Variants in VPS37A observed in about 807,000 individuals in gnomAD.
VPS37A encodes the protein vacuolar protein sorting-associated protein 37A.
In VPS37A, 30 loss-of-function variants were observed where a neutral mutation model predicts 49.8. That is an observed-to-expected ratio of 0.60 (90% CI 0.45 to 0.82). The LOEUF is 0.82. VPS37A is among the 40% of genes least tolerant of loss of function. VPS37A has a pLI of 0.00. For missense variants in VPS37A, 593 were observed against 464.4 expected (o/e 1.28, Z -2.55); for synonymous variants, 195 against 160.6 (o/e 1.21, Z -1.62).
intron 1 of VPS37A, 118 bp from the exon 2 acceptor site, chr8:17,265,789 A>T: frequency 1.9e-6 from 3 of 1,559,210 alleles, no homozygotes; most frequent in Non-Finnish European, 2.6e-6. Flanking sequence ...TATGCTGGCT[A>T]TCCAGATTCT....
the VPS37A span, chr8:17,326,293 A>C: frequency 2.0e-5 from 3 of 152,214 alleles, no homozygotes; most frequent in African/African-American, 7.2e-5. Flanking sequence ...CCTCATCCGT[A>C]AAATGAAGAT....
chr8:17,264,423 A>G (rs1006538450), intron 1 of VPS37A, among the ~76,000 whole-genome samples: 3 of 152,208 alleles, frequency 2.0e-5, no homozygotes, highest in Non-Finnish European at 4.4e-5. Flanking sequence ...TTCCCAAAGA[A>G]AAACTTCCAG....
chr8:17,299,685 G>C, downstream of VPS37A: 1 of 754,698 alleles, frequency 1.3e-6, no homozygotes, highest in East Asian at 2.7e-5. Flanking sequence ...AAATGACTAC[G>C]TCCTCTTCAG....
chr8:17,271,430 C>G (rs1160236700), intron 4 of VPS37A, among the ~76,000 whole-genome samples: 1 of 152,070 alleles, frequency 6.6e-6, no homozygotes, highest in East Asian at 1.9e-4. Context: ...ACGGTGAAAC[C>G]TCGTCTCTAC....
chr8:17,276,346 G>A (rs1253883665), intron 5 of VPS37A, 51 bp from the exon 6 acceptor site: 2 of 1,413,830 alleles, frequency 1.4e-6, no homozygotes, highest in Non-Finnish European at 2.0e-6. Context: ...GTAATTGAGA[G>A]CAGTCAAAAA....
the VPS37A span, among the ~76,000 whole-genome samples, chr8:17,325,262 GT>G: frequency 6.6e-6 from 1 of 152,104 alleles, no homozygotes; most frequent in Non-Finnish European, 1.5e-5. Flanking sequence ...CATCCAACAT[GT>G]GACCGTCATA....
At chr8:17,308,866 C>G in the VPS37A span, among the ~76,000 whole-genome samples, 3 of 152,336 alleles carry the variant, frequency 2.0e-5, no homozygotes, top group African/African-American at 7.2e-5. Flanking sequence ...ACAAACTGCA[C>G]TCCGATACAA....
chr8:17,265,632 G>A, intron 1 of VPS37A: 1 of 609,704 alleles, frequency 1.6e-6, no homozygotes, highest in Non-Finnish European at 2.7e-6. Context: ...TAGAGTGATA[G>A]TAAAACAGTG....
chr8:17,313,449 T>C, the VPS37A span: 1 of 1,201,814 alleles, frequency 8.3e-7, no homozygotes, highest in African/African-American at 1.5e-5. Flanking sequence ...TACTCTCTCA[T>C]TTTACATATG....
chr8:17,265,802 G>A, intron 1 of VPS37A, 105 bp from the exon 2 acceptor site: 1 of 1,579,030 alleles, frequency 6.3e-7, no homozygotes, highest in Non-Finnish European at 8.6e-7. Context: ...CAGATTCTGT[G>A]ATTAAAAATA....
downstream of VPS37A, among the ~76,000 whole-genome samples, chr8:17,306,370 G>A (rs1817455785): frequency 2.6e-5 from 4 of 151,724 alleles, no homozygotes; most frequent in Admixed American, 1.3e-4. Flanking sequence ...GTTGGGAAGG[G>A]ATGAGGAAAA....
At chr8:17,332,529 C>T in the VPS37A span, among the ~76,000 whole-genome samples, 6,852 of 152,186 alleles carry the variant, frequency 0.045, 428 homozygotes, top group African/African-American at 0.14. Context: ...CTGAGGCTTA[C>T]GATGGGGTTA....
chr8:17,275,072 G>A, intron 5 of VPS37A, 114 bp downstream of exon 5: 1 of 977,600 alleles, frequency 1.0e-6, no homozygotes, highest in Non-Finnish European at 1.5e-6. Flanking sequence ...AATATGAAAA[G>A]ATGAACTCAC....
At chr8:17,305,443 C>G (rs1817385827), downstream of VPS37A, among the ~76,000 whole-genome samples, 1 of 152,152 alleles carries the variant, frequency 6.6e-6, no homozygotes, top group Non-Finnish European at 1.5e-5. Context: ...CCAAATATAT[C>G]TAACCTTTTC....
At chr8:17,264,392 G>A (rs994255792) in intron 1 of VPS37A, among the ~76,000 whole-genome samples, 1 of 152,130 alleles carries the variant, frequency 6.6e-6, no homozygotes, top group Non-Finnish European at 1.5e-5. Flanking sequence ...CAAGGGAGGA[G>A]GTTTTTCAGT....
chr8:17,322,967 T>TTTTTTTTTTA, the VPS37A span, among the ~76,000 whole-genome samples: 5 of 150,606 alleles, frequency 3.3e-5, no homozygotes, highest in East Asian at 2.0e-4. Context: ...TTTTTTTTTT[T>TTTTTTTTTTA]GAGACAGTCT....
rs2151023761 is a variant in VPS37A at position 17,247,009 on chromosome 8, G to A, written c.-236G>A. 1.8e-6 allele frequency: 1 copy of A among 567,672 alleles called. No homozygotes were observed. Among genetic ancestry groups the A allele is most frequent in the South Asian group, 2.0e-5 (1 of 49,334 alleles). 35.2% of individuals were successfully genotyped at this position (567,672 alleles called of 1,614,324 possible). A position where few individuals can be genotyped will look rare whatever the true frequency, so the allele number is the denominator to read the frequency against. On this transcript the variant is annotated 5_prime_UTR_variant, in exon 1 of 12. Coordinates refer to ENST00000324849, the MANE Select transcript of VPS37A (RefSeq NM_152415.3). ...CCGGTTTGGGCGTCTGGGCCGTGAA[G>A]GTGGGACCTCCTGTTCCGGGCCGCA... is the stretch of plus-strand genomic sequence containing the variant.
downstream of VPS37A, among the ~76,000 whole-genome samples, chr8:17,305,268 C>T (rs1332833699): frequency 6.6e-6 from 1 of 152,208 alleles, no homozygotes; most frequent in African/African-American, 2.4e-5. Flanking sequence ...TGTATACTGC[C>T]TAAATCACTT....
chr8:17,267,344 G>T (rs749841597), intron 2 of VPS37A, among the ~76,000 whole-genome samples: 13 of 152,154 alleles, frequency 8.5e-5, no homozygotes, highest in East Asian at 1.9e-4. Flanking sequence ...ACAATTCAAA[G>T]TAAAATATTC....
Sources: gnomAD v4.1 joint callset for allele counts (sites outside exome capture counted in the v4.1 genomes callset) on GRCh38, gnomAD v4.1.1 for gene constraint, MANE v1.5 for transcripts, NCBI Gene and HGNC (gene_info 2026-07-23, HGNC 2026-07-21) for gene names.